Variants in ZNF385D observed in about 807,000 individuals in gnomAD.
ZNF385D encodes zinc finger protein 385D, also known as zinc finger protein 659.
Under a neutral mutation model 35.8 loss-of-function variants are expected in ZNF385D, and 15 were observed. The observed-to-expected ratio is 0.42, with a 90% confidence interval of 0.28 to 0.64. ZNF385D has a LOEUF of 0.64. Among genes scored for constraint, ZNF385D ranks in the 30% least tolerant of loss-of-function variants. ZNF385D has a pLI of 0.23. For synonymous variants in ZNF385D, 212 were observed against 186.8 expected (o/e 1.13, Z -1.10); for missense variants, 474 against 494.6 (o/e 0.96, Z 0.39).
intron 3 of ZNF385D, among the ~76,000 whole-genome samples, chr3:22,098,687 G>A (rs575262002): frequency 3.9e-5 from 6 of 152,070 alleles, no homozygotes; most frequent in African/African-American, 1.4e-4. Context: ...CACAAGAGAA[G>A]AAATGTCACA....
chr3:22,088,887 T>C (rs528399205), intron 3 of ZNF385D, among the ~76,000 whole-genome samples: 41 of 152,134 alleles, frequency 2.7e-4, no homozygotes, highest in African/African-American at 9.4e-4. Flanking sequence ...CTAAATAGCA[T>C]CAAGAGAAGA....
intron 2 of ZNF385D, among the ~76,000 whole-genome samples, chr3:21,602,908 T>C (rs2064357860): frequency 6.6e-6 from 1 of 152,150 alleles, no homozygotes; most frequent in Non-Finnish European, 1.5e-5. Flanking sequence ...TAAGCTACTT[T>C]AAAAACCTTC....
intron 3 of ZNF385D, among the ~76,000 whole-genome samples, chr3:21,864,750 T>A (rs1697242636): frequency 6.6e-6 from 1 of 152,116 alleles, no homozygotes; most frequent in African/African-American, 2.4e-5. Context: ...TTCTTATCTG[T>A]CACCTTGTTT....
At chr3:21,496,528 G>A (rs1279749571) in intron 4 of ZNF385D, among the ~76,000 whole-genome samples, 1 of 119,438 alleles carries the variant, frequency 8.4e-6, no homozygotes, top group African/African-American at 3.1e-5. Context: ...ACATATATTT[G>A]ATATATATAT....
At position 22,123,962 on chromosome 3, in the gene ZNF385D, C is replaced by CTATATATA. The variant is rs71044974; in HGVS notation, c.325+44847_325+44854dup. On this transcript the variant is annotated intron_variant, in intron 3 of 5. Coordinates refer to the ZNF385D transcript ENST00000494108. The stretch of plus-strand genomic sequence containing the variant: ...TCTCTCTCTCTCTCTCTCTCTCTCT[C>CTATATATA]TATATATATATATATATATATATAT... Among the ~76,000 whole-genome samples the CTATATATA allele has an allele frequency of 8.1e-4, 50 of 61,840 alleles. 1 individual carries two copies. Among genetic ancestry groups the CTATATATA allele is most frequent in the African/African-American group, 2.2e-3 (37 of 16,502 alleles). The allele number at this position is 61,840 out of a possible 152,430, so 40.6% of individuals were successfully genotyped here.
At chr3:21,676,440 T>TA (rs1315399479) in intron 1 of ZNF385D, among the ~76,000 whole-genome samples, 1 of 152,130 alleles carries the variant, frequency 6.6e-6, no homozygotes, top group Non-Finnish European at 1.5e-5. Context: ...GGAGAAGATG[T>TA]AAAATCAGTT....
intron 3 of ZNF385D, among the ~76,000 whole-genome samples, chr3:22,160,852 T>C (rs1463773729): frequency 6.6e-6 from 1 of 152,130 alleles, no homozygotes; most frequent in Non-Finnish European, 1.5e-5. Flanking sequence ...GGTCAACTTG[T>C]TACTCAATCC....
intron 2 of ZNF385D, among the ~76,000 whole-genome samples, chr3:22,200,435 T>C (rs1173602626): frequency 1.3e-5 from 2 of 151,912 alleles, no homozygotes; most frequent in African/African-American, 2.4e-5. Context: ...GGAGGGAGTA[T>C]ACAAATAGGG....
chr3:21,932,931 T>C (rs766268427), intron 3 of ZNF385D, among the ~76,000 whole-genome samples: 3 of 152,178 alleles, frequency 2.0e-5, no homozygotes, highest in Non-Finnish European at 4.4e-5. Flanking sequence ...TTTACTGAAA[T>C]TGGCTACTGG....
chr3:22,106,401 C>CA (rs75876966), intron 3 of ZNF385D, among the ~76,000 whole-genome samples: 34,246 of 151,998 alleles, frequency 0.23, 4,393 homozygotes, highest in Non-Finnish European at 0.29. Context: ...GCTGAAAGGA[C>CA]AAAAAAATCT....
intron 2 of ZNF385D, among the ~76,000 whole-genome samples, chr3:21,609,041 G>A (rs535839983): frequency 1.6e-4 from 24 of 152,190 alleles, no homozygotes; most frequent in Non-Finnish European, 3.4e-4. Context: ...TAACTATCAA[G>A]CACTTTCATG....
intron 3 of ZNF385D, among the ~76,000 whole-genome samples, chr3:21,773,389 C>T (rs2071157842): frequency 6.6e-6 from 1 of 151,832 alleles, no homozygotes; most frequent in African/African-American, 2.4e-5. Context: ...ACTCCAAAAG[C>T]AATTGCAGCA....
chr3:21,632,806 T>C (rs989282223), intron 2 of ZNF385D, among the ~76,000 whole-genome samples: 1 of 152,106 alleles, frequency 6.6e-6, no homozygotes, highest in African/African-American at 2.4e-5. Flanking sequence ...TACATGACAA[T>C]TGGAATCAAG....
intron 2 of ZNF385D, among the ~76,000 whole-genome samples, chr3:22,272,594 C>T (rs932903296): frequency 4.6e-5 from 7 of 151,934 alleles, no homozygotes; most frequent in Admixed American, 2.6e-4. Context: ...TAGGTATGGG[C>T]ATTGTGAAGA....
intron 3 of ZNF385D, among the ~76,000 whole-genome samples, chr3:21,562,328 C>T (rs1190830829): frequency 6.6e-6 from 1 of 151,998 alleles, no homozygotes; most frequent in African/African-American, 2.4e-5. Flanking sequence ...TAAAGCATGT[C>T]TGACAATATT....
intron 2 of ZNF385D, among the ~76,000 whole-genome samples, chr3:22,291,754 C>T (rs1263347622): frequency 1.3e-5 from 2 of 151,940 alleles, no homozygotes; most frequent in African/African-American, 4.8e-5. Flanking sequence ...GGTTTTATTG[C>T]AGATTTACTA....
chr3:21,477,807 T>A (rs1380097418), intron 4 of ZNF385D, among the ~76,000 whole-genome samples: 1 of 152,168 alleles, frequency 6.6e-6, no homozygotes, highest in Non-Finnish European at 1.5e-5. Flanking sequence ...TGATTTCACA[T>A]CCCTCATGGA....
intron 4 of ZNF385D, among the ~76,000 whole-genome samples, chr3:21,442,622 T>C (rs553094715): frequency 2.8e-4 from 43 of 152,116 alleles, no homozygotes; most frequent in African/African-American, 1.0e-3. Context: ...CAGGCAGGAA[T>C]GGCCTTGGCA....
chr3:22,038,163 G>C (rs1398709783), intron 3 of ZNF385D, among the ~76,000 whole-genome samples: 1 of 152,126 alleles, frequency 6.6e-6, no homozygotes, highest in Admixed American at 6.6e-5. Context: ...GCAAATTGCT[G>C]AACTACGAAG....
Sources: gnomAD v4.1 joint callset for allele counts (sites outside exome capture counted in the v4.1 genomes callset) on GRCh38, gnomAD v4.1.1 for gene constraint, MANE v1.5 for transcripts, NCBI Gene and HGNC (gene_info 2026-07-23, HGNC 2026-07-21) for gene names.